SLC16A7: variants seen among roughly 807,000 people sequenced by gnomAD.
SLC16A7 encodes solute carrier family 16 member 7, also known as monocarboxylate transporter 2.
A neutral mutation model predicts 34.9 loss-of-function variants in SLC16A7; 33 were observed. That is an observed-to-expected ratio of 0.94 (90% CI 0.72 to 1.26). The LOEUF (loss-of-function observed/expected upper bound fraction) is 1.26, where lower values mean the gene tolerates loss of function less well. Among genes scored for constraint, SLC16A7 ranks in the 50% most tolerant of loss-of-function variants. The pLI, the probability that SLC16A7 is intolerant of heterozygous loss-of-function variation, is 0.00. For synonymous variants in SLC16A7, 201 were observed against 206.6 expected (o/e 0.97, Z 0.23); for missense variants, 573 against 578.1 (o/e 0.99, Z 0.09).
At position 59,776,757 on chromosome 12, in the gene SLC16A7, C is replaced by T. The variant is rs181569194; in HGVS notation, c.1180+1282C>T. Among the ~76,000 whole-genome samples, 142 of 152,086 alleles carry T rather than the reference C, an allele frequency of 9.3e-4. 2 individuals carry two copies. Among genetic ancestry groups the T allele is most frequent in the East Asian group, 4.4e-3 (23 of 5,178 alleles). ...TAGGTGGTGTGGTTGTTGTCTTTCT[C>T]TGTCCACCAGGGCTATCCTATGGTA... is the stretch of plus-strand genomic sequence containing the variant. On this transcript the variant is annotated intron_variant, in intron 5 of 5. Transcript: ENST00000547379.
intron 3 of SLC16A7, among the ~76,000 whole-genome samples, chr12:59,716,845 C>T (rs1360079946): frequency 5.3e-5 from 8 of 152,050 alleles, no homozygotes; most frequent in Non-Finnish European, 1.2e-4. Context: ...GACTCTGTCT[C>T]ACAATAAATA....
intron 1 of SLC16A7, among the ~76,000 whole-genome samples, chr12:59,623,558 T>TA (rs766533661): frequency 6.1e-4 from 93 of 151,910 alleles, no homozygotes; most frequent in Non-Finnish European, 1.0e-3. Flanking sequence ...TGTTGTCTTT[T>TA]AAAAATTACA....
At chr12:59,722,857 T>C (rs961102142) in intron 3 of SLC16A7, among the ~76,000 whole-genome samples, 4 of 151,964 alleles carry the variant, frequency 2.6e-5, no homozygotes, top group African/African-American at 9.7e-5. Flanking sequence ...GAACTTTCTG[T>C]GGTGATAGAA....
At chr12:59,691,025 C>G (rs1490624895) in intron 2 of SLC16A7, among the ~76,000 whole-genome samples, 1 of 151,798 alleles carries the variant, frequency 6.6e-6, no homozygotes, top group Non-Finnish European at 1.5e-5. Flanking sequence ...TATTTGCATA[C>G]TAAAGTTTTG....
chr12:59,744,129 G>C (rs1878630393), intron 3 of SLC16A7, among the ~76,000 whole-genome samples: 1 of 152,216 alleles, frequency 6.6e-6, no homozygotes, highest in Admixed American at 6.5e-5. Flanking sequence ...CTGAGCAGAA[G>C]AGGGCGAGTC....
intron 1 of SLC16A7, among the ~76,000 whole-genome samples, chr12:59,609,510 G>A (rs1251471871): frequency 1.3e-5 from 2 of 150,312 alleles, no homozygotes; most frequent in Non-Finnish European, 3.0e-5. Context: ...ATGTGGGTCG[G>A]GGGGCATAGG....
chr12:59,624,738 T>TTG (rs34708782), intron 1 of SLC16A7, among the ~76,000 whole-genome samples: 9,342 of 145,258 alleles, frequency 0.064, 412 homozygotes, highest in African/African-American at 0.12. Context: ...GCATTGTTAG[T>TTG]TGTGTGTGTG....
Position 59,786,302 on chromosome 12 carries a change from A to G in SLC16A7, c.*6623A>G, listed in dbSNP as rs1883620267. ...GCATTTTATCTCACATAAATTTAGG[A>G]TGAAATTTTAAAACATTCTTTTGAC... On this transcript the variant is annotated 3_prime_UTR_variant, in exon 6 of 6. Coordinates refer to ENST00000547379, the MANE Select transcript of SLC16A7 (RefSeq NM_001270623.2). The G allele has an allele frequency of 6.6e-6, 1 of 152,008 alleles. No individual in the cohort carries two copies. Among genetic ancestry groups the G allele is most frequent in the Admixed American group, 6.6e-5 (1 of 15,266 alleles). The allele number at this position is 152,008 out of a possible 1,614,324, so 9.4% of individuals were successfully genotyped here.
chr12:59,747,203 AATG>A (rs1016024290), intron 3 of SLC16A7, among the ~76,000 whole-genome samples: 3 of 152,228 alleles, frequency 2.0e-5, no homozygotes, highest in African/African-American at 7.2e-5. Context: ...GTATACATCT[AATG>A]ATATAGTTAT....
intron 3 of SLC16A7, among the ~76,000 whole-genome samples, chr12:59,753,870 A>C (rs2137346475): frequency 6.6e-6 from 1 of 152,318 alleles, no homozygotes; most frequent in African/African-American, 2.4e-5. Flanking sequence ...AGCTCTCCTC[A>C]GCAAATGTAA....
chr12:59,652,552 CTAAA>C (rs1233567832), intron 1 of SLC16A7, among the ~76,000 whole-genome samples: 1 of 151,814 alleles, frequency 6.6e-6, no homozygotes, highest in Non-Finnish European at 1.5e-5. Flanking sequence ...TTTAAATCAC[CTAAA>C]TAATGATCTC....
chr12:59,713,892 C>A (rs1293088952), intron 3 of SLC16A7, among the ~76,000 whole-genome samples: 1 of 152,194 alleles, frequency 6.6e-6, no homozygotes, highest in Admixed American at 6.5e-5. Context: ...ATTGGAAAAA[C>A]CACAGCGAGC....
chr12:59,761,198 C>A, intron 3 of SLC16A7: 1 of 1,243,482 alleles, frequency 8.0e-7, no homozygotes, highest in Non-Finnish European at 1.1e-6. Flanking sequence ...CAGGATCATG[C>A]CTAGGTACAT....
At position 59,704,829 on chromosome 12, in the gene SLC16A7, G is replaced by T. The variant is rs770405049; in HGVS notation, c.28G>T (p.Val10Leu). The T allele has an allele frequency of 1.2e-6, 2 of 1,613,734 alleles. No individual in the cohort carries two copies. The highest frequency in any genetic ancestry group is 8.5e-7 in the Non-Finnish European group (1 of 1,179,788). Reference sequence around the variant, plus strand: ...GCCACCAATGCCAAGTGCCCCACCTGTGCATCCACCTCCAGATGGAGGATG... The same window carrying T: ...GCCACCAATGCCAAGTGCCCCACCTTTGCATCCACCTCCAGATGGAGGATG... MPPMPSAPP[V>L]HPPPDGGWGW... is the part of the protein sequence containing the mutation. The change falls in exon 3 of 6, where the codon GTG (valine) becomes TTG (leucine). Residue 10 changes from valine (V) to leucine (L), a missense_variant. By Grantham distance (32) the Val-to-Leu change is conservative (BLOSUM62 1). Transcript: ENST00000547379.
chr12:59,680,171 C>G (rs753314842), intron 2 of SLC16A7, among the ~76,000 whole-genome samples: 3 of 152,074 alleles, frequency 2.0e-5, no homozygotes, highest in Non-Finnish European at 4.4e-5. Flanking sequence ...AATAGAGAGG[C>G]AAAGGACAGG....
Position 59,781,751 on chromosome 12 carries a change from T to C in SLC16A7, c.*2072T>C, listed in dbSNP as rs768734296. ...GAAATGTAACCTCTAAATTGTGTAG[T>C]ACCTCTCCAATCATAAATTTTCAAA... On this transcript the variant is annotated 3_prime_UTR_variant, in exon 6 of 6. Coordinates refer to ENST00000547379, the MANE Select transcript of SLC16A7 (RefSeq NM_001270623.2). 2.2e-4 allele frequency: 34 copies of C among 152,546 alleles called. No homozygotes were observed. Among genetic ancestry groups the C allele is most frequent in the Admixed American group, 2.2e-3 (33 of 15,248 alleles). The allele number at this position is 152,546 out of a possible 1,614,324, so 9.4% of individuals were successfully genotyped here.
chr12:59,679,423 A>G (rs1170600637), intron 2 of SLC16A7, among the ~76,000 whole-genome samples: 1 of 152,140 alleles, frequency 6.6e-6, no homozygotes, highest in East Asian at 1.9e-4. Context: ...GTTACCTATT[A>G]CTACTCCCAA....
At chr12:59,615,949 T>G (rs1185402172) in intron 1 of SLC16A7, among the ~76,000 whole-genome samples, 1 of 152,198 alleles carries the variant, frequency 6.6e-6, no homozygotes, top group Non-Finnish European at 1.5e-5. Flanking sequence ...TGGCATCAAC[T>G]CTGGCCAGGA....
intron 1 of SLC16A7, among the ~76,000 whole-genome samples, chr12:59,648,961 C>T (rs1868296512): frequency 6.6e-6 from 1 of 151,908 alleles, no homozygotes; most frequent in African/African-American, 2.4e-5. Flanking sequence ...GAAGGAATAA[C>T]CTAAAAGTTG....
Sources: gnomAD v4.1 joint callset for allele counts (sites outside exome capture counted in the v4.1 genomes callset) on GRCh38, gnomAD v4.1.1 for gene constraint, MANE v1.5 for transcripts, NCBI Gene and HGNC (gene_info 2026-07-23, HGNC 2026-07-21) for gene names.